MPDZ: variants seen among roughly 807,000 people sequenced by gnomAD.
MPDZ encodes the protein multiple PDZ domain protein.
A neutral mutation model predicts 239.1 loss-of-function variants in MPDZ; 234 were observed. The observed-to-expected ratio is 0.98, with a 90% CI of 0.88 to 1.09. The LOEUF (loss-of-function observed/expected upper bound fraction) is 1.09, where lower values mean the gene tolerates loss of function less well. Ranked by LOEUF, MPDZ falls within the 50% of genes least tolerant of loss-of-function variation. MPDZ has a pLI of 0.00. For missense variants in MPDZ, 3,175 were observed against 2,510.0 expected (o/e 1.26, Z -5.66); for synonymous variants, 1,048 against 881.3 (o/e 1.19, Z -3.35).
intron 45 of MPDZ, 145 bp from the exon 46 acceptor site, chr9:13,109,204 C>T (rs1942005815): frequency 1.6e-6 from 1 of 629,344 alleles, no homozygotes; most frequent in Admixed American, 4.4e-5. Context: ...TTTTGAGATG[C>T]TTAAATTGTC....
chr9:13,208,568 C>A (rs1165877625), intron 10 of MPDZ, among the ~76,000 whole-genome samples: 2 of 151,128 alleles, frequency 1.3e-5, no homozygotes, highest in Non-Finnish European at 2.9e-5. Context: ...TTTAAAAACT[C>A]ATTTGCTTTG....
intron 46 of MPDZ, among the ~76,000 whole-genome samples, chr9:13,107,793 T>C (rs1355450706): frequency 1.3e-5 from 2 of 152,172 alleles, no homozygotes; most frequent in Non-Finnish European, 2.9e-5. Flanking sequence ...AGCACGCTTA[T>C]AGAAGACAAT....
chr9:13,138,363 G>A (rs1404703807), intron 28 of MPDZ, among the ~76,000 whole-genome samples: 1 of 152,062 alleles, frequency 6.6e-6, no homozygotes. Context: ...TTGCATCTAG[G>A]GTGCAGAGAG....
intron 24 of MPDZ, 147 bp downstream of exon 24, chr9:13,157,871 T>C: frequency 1.5e-6 from 1 of 664,440 alleles, no homozygotes; most frequent in Non-Finnish European, 2.7e-6. Context: ...CTCCACTGTA[T>C]ACATTAAAAA....
At chr9:13,126,631 G>T in intron 33 of MPDZ, 41 bp from the exon 34 acceptor site, 1 of 1,611,502 alleles carries the variant, frequency 6.2e-7, no homozygotes, top group Non-Finnish European at 8.5e-7. Flanking sequence ...TATTCCAAAA[G>T]TAATTCCCTC....
intron 1 of MPDZ, among the ~76,000 whole-genome samples, chr9:13,253,365 G>C (rs1052505942): frequency 6.6e-6 from 1 of 152,042 alleles, no homozygotes; most frequent in African/African-American, 2.4e-5. Context: ...TTTTTCAGGG[G>C]ATTTCACCAT....
chr9:13,244,665 G>A (rs1484180737), intron 3 of MPDZ, among the ~76,000 whole-genome samples: 5 of 152,024 alleles, frequency 3.3e-5, no homozygotes, highest in Non-Finnish European at 4.4e-5. Context: ...TTACACACCT[G>A]TCAAGTGTTT....
chr9:13,247,812 G>A lies in MPDZ; in HGVS notation c.17-11C>T. ...GGGCCCGATTTTTGTCTATACCAAAGAGCAGCATTTGTCAATAACAGGATT... is the reference window on the plus strand; with the variant it reads ...GGGCCCGATTTTTGTCTATACCAAAAAGCAGCATTTGTCAATAACAGGATT... On this transcript the variant is annotated splice_polypyrimidine_tract_variant and intron_variant, in intron 2 of 46. Transcript: ENST00000319217. The A allele has an allele frequency of 8.8e-6, 14 of 1,587,848 alleles. No individual in the cohort carries two copies. Among genetic ancestry groups the A allele is most frequent in the Non-Finnish European group, 1.2e-5 (14 of 1,160,054 alleles).
intron 23 of MPDZ, among the ~76,000 whole-genome samples, chr9:13,159,685 C>T (rs7037704): frequency 0.47 from 70,833 of 151,960 alleles, 20,213 homozygotes; most frequent in African/African-American, 0.81. Context: ...TCAGAAACAC[C>T]GTAGCCACAA....
chr9:13,112,914 T>C, intron 42 of MPDZ, 97 bp downstream of exon 42: 1 of 1,173,944 alleles, frequency 8.5e-7, no homozygotes, highest in Non-Finnish European at 1.2e-6. Context: ...CTTTTTGAGA[T>C]GAATACTTTA....
intron 10 of MPDZ, among the ~76,000 whole-genome samples, chr9:13,209,618 G>GGT (rs1210381601): frequency 1.7e-4 from 26 of 152,240 alleles, no homozygotes; most frequent in Admixed American, 1.3e-3. Flanking sequence ...ACTGAAGATC[G>GGT]GTGCATGTAT....
Position 13,107,041 on chromosome 9 carries a change from T to C in MPDZ, c.6137A>G (p.Glu2046Gly). The change falls in exon 47 of 47, where the codon GAA becomes GGA. Residue 2046 changes from glutamate (E) to glycine (G), a missense_variant. Physicochemically the swap from Glu to Gly is moderately conservative, Grantham distance 98. Transcript: ENST00000319217. ...QIIAVNGQSL[E>G]GVTHEEAVAI... ...AACAGCTTCTTCATGGGTGACTCCT[T>C]CTAGACTCTGCCCATTGACAGCAAT... is the stretch of plus-strand genomic sequence containing the variant. 2 of 1,611,958 alleles carry C rather than the reference T, an allele frequency of 1.2e-6. No homozygotes were observed. The highest frequency in any genetic ancestry group is 2.2e-5 in the South Asian group (2 of 90,862).
At chr9:13,169,005 G>T (rs1298550053) in intron 21 of MPDZ, among the ~76,000 whole-genome samples, 7 of 152,128 alleles carry the variant, frequency 4.6e-5, no homozygotes, top group Admixed American at 4.6e-4. Context: ...TTTATCACTT[G>T]TTTATTCAGG....
chr9:13,209,002 G>T (rs1196485546), intron 10 of MPDZ, among the ~76,000 whole-genome samples: 1 of 152,140 alleles, frequency 6.6e-6, no homozygotes, highest in Non-Finnish European at 1.5e-5. Context: ...CCAGCAACTT[G>T]GAGGAATTTC....
chr9:13,151,975 A>G (rs1029087463), intron 24 of MPDZ, among the ~76,000 whole-genome samples: 3 of 152,148 alleles, frequency 2.0e-5, no homozygotes, highest in African/African-American at 4.8e-5. Context: ...ATGATTTGTT[A>G]TAAGTAAAAC....
chr9:13,245,655 C>T (rs1463677935), intron 3 of MPDZ, among the ~76,000 whole-genome samples: 2 of 152,120 alleles, frequency 1.3e-5, no homozygotes, highest in Non-Finnish European at 1.5e-5. Flanking sequence ...ACAGACCTCA[C>T]AATTTATGTA....
chr9:13,224,195 T>A (rs559834334), intron 4 of MPDZ, among the ~76,000 whole-genome samples, 179 bp downstream of exon 4: 1 of 152,168 alleles, frequency 6.6e-6, no homozygotes, highest in East Asian at 1.9e-4. Context: ...CAAATTTAAA[T>A]GATGATAAAA....
chr9:13,180,073 T>C (rs1365786208), intron 19 of MPDZ, among the ~76,000 whole-genome samples: 2 of 152,248 alleles, frequency 1.3e-5, no homozygotes, highest in East Asian at 1.9e-4. Context: ...GAGCCTGCAA[T>C]TTTGTCACTA....
At chr9:13,117,796 T>C (rs1943705306) in intron 39 of MPDZ, among the ~76,000 whole-genome samples, 1 of 151,452 alleles carries the variant, frequency 6.6e-6, no homozygotes, top group East Asian at 1.9e-4. Context: ...AACAAACATG[T>C]AAGTTATACA....
Sources: gnomAD v4.1 joint callset for allele counts (sites outside exome capture counted in the v4.1 genomes callset) on GRCh38, gnomAD v4.1.1 for gene constraint, MANE v1.5 for transcripts, NCBI Gene and HGNC (gene_info 2026-07-23, HGNC 2026-07-21) for gene names.